The following NELL1 variants were observed in gnomAD, a reference collection of about 807,000 sequenced individuals.
NELL1 encodes protein kinase C-binding protein NELL1.
A neutral mutation model predicts 107.4 loss-of-function variants in NELL1; 76 were observed. That is an observed-to-expected ratio of 0.71 (90% confidence interval 0.59 to 0.86). The LOEUF (loss-of-function observed/expected upper bound fraction) is 0.86, where lower values mean the gene tolerates loss of function less well. Among genes scored for constraint, NELL1 ranks in the 40% least tolerant of loss-of-function variants. The pLI, the probability that NELL1 is intolerant of heterozygous loss-of-function variation, is 0.00. For synonymous variants in NELL1, 353 were observed against 341.2 expected (o/e 1.03, Z -0.38); for missense variants, 1,024 against 1,005.5 (o/e 1.02, Z -0.25).
chr11:21,171,670 T>C (rs1856609804), intron 13 of NELL1, among the ~76,000 whole-genome samples: 1 of 151,834 alleles, frequency 6.6e-6, no homozygotes, highest in South Asian at 2.1e-4. Flanking sequence ...AGGATATAGA[T>C]GCTGTTGTAC....
intron 12 of NELL1, among the ~76,000 whole-genome samples, chr11:20,992,279 A>G (rs987599110): frequency 1.3e-5 from 2 of 152,248 alleles, no homozygotes; most frequent in African/African-American, 2.4e-5. Flanking sequence ...ATTTCTGTGC[A>G]GTCCTTCAAA....
intron 17 of NELL1, among the ~76,000 whole-genome samples, chr11:21,563,391 A>G (rs1338111014): frequency 2.0e-5 from 3 of 152,066 alleles, no homozygotes; most frequent in African/African-American, 7.2e-5. Flanking sequence ...TACACAAACA[A>G]CTAACCACTT....
chr11:21,035,536 A>G (rs1202218014), intron 12 of NELL1, among the ~76,000 whole-genome samples: 2 of 152,074 alleles, frequency 1.3e-5, no homozygotes, highest in South Asian at 2.1e-4. Flanking sequence ...CTTATTCACC[A>G]CGATCAAGTA....
intron 15 of NELL1, among the ~76,000 whole-genome samples, chr11:21,485,564 G>A (rs1055274520): frequency 3.3e-5 from 5 of 151,244 alleles, no homozygotes; most frequent in African/African-American, 4.9e-5. Context: ...AAATACTACC[G>A]CCTCTGCTTG....
intron 5 of NELL1, among the ~76,000 whole-genome samples, chr11:20,902,461 C>A (rs957187858): frequency 6.6e-6 from 1 of 151,986 alleles, no homozygotes; most frequent in Admixed American, 6.6e-5. Context: ...AAGTGAAAAA[C>A]CATCTGACAA....
At chr11:21,276,120 T>A (rs1245161610) in intron 14 of NELL1, among the ~76,000 whole-genome samples, 1 of 152,178 alleles carries the variant, frequency 6.6e-6, no homozygotes, top group African/African-American at 2.4e-5. Flanking sequence ...TGTCCCTGTT[T>A]GCAGATGACA....
intron 2 of NELL1, among the ~76,000 whole-genome samples, chr11:20,760,237 C>T (rs964337146): frequency 6.6e-6 from 1 of 152,180 alleles, no homozygotes; most frequent in African/African-American, 2.4e-5. Flanking sequence ...GGAGAAATGC[C>T]AACATTTTTG....
intron 15 of NELL1, among the ~76,000 whole-genome samples, chr11:21,524,381 A>C (rs900907301): frequency 6.6e-6 from 1 of 152,204 alleles, no homozygotes; most frequent in Non-Finnish European, 1.5e-5. Flanking sequence ...CCTATTTAAT[A>C]GAGAAACTGT....
At chr11:20,896,216 T>C (rs1296874197) in intron 5 of NELL1, among the ~76,000 whole-genome samples, 3 of 152,208 alleles carry the variant, frequency 2.0e-5, no homozygotes, top group South Asian at 2.1e-4. Context: ...CTCCCACTTA[T>C]AAGTGAGAAC....
chr11:21,537,239 T>G (rs1317307647), intron 16 of NELL1, among the ~76,000 whole-genome samples: 1 of 152,110 alleles, frequency 6.6e-6, no homozygotes, highest in African/African-American at 2.4e-5. Context: ...TAATGACACT[T>G]TCTTCTTATG....
intron 15 of NELL1, among the ~76,000 whole-genome samples, chr11:21,372,705 C>T (rs1436545173): frequency 1.3e-5 from 2 of 151,834 alleles, no homozygotes; most frequent in Non-Finnish European, 2.9e-5. Context: ...TTTCACGAAT[C>T]TGCATTTTCA....
At chr11:21,539,280 G>C (rs949634335) in intron 16 of NELL1, among the ~76,000 whole-genome samples, 3 of 152,056 alleles carry the variant, frequency 2.0e-5, no homozygotes, top group African/African-American at 7.2e-5. Context: ...ATGGGTGCCT[G>C]AAACTCCTAA....
At chr11:21,105,774 T>C in intron 12 of NELL1, among the ~76,000 whole-genome samples, 1 of 112,962 alleles carries the variant, frequency 8.9e-6, no homozygotes, top group Non-Finnish European at 1.9e-5. Context: ...TCATTACCTC[T>C]CCCCTCCCCT....
At chr11:21,246,831 C>T (rs909461642) in intron 14 of NELL1, among the ~76,000 whole-genome samples, 8 of 152,108 alleles carry the variant, frequency 5.3e-5, no homozygotes, top group African/African-American at 1.9e-4. Context: ...AAAGGCACAC[C>T]TTACATGGTG....
At chr11:20,732,280 A>G (rs1331894874) in intron 2 of NELL1, among the ~76,000 whole-genome samples, 1 of 151,996 alleles carries the variant, frequency 6.6e-6, no homozygotes, top group Non-Finnish European at 1.5e-5. Flanking sequence ...GAATCTGAAT[A>G]AATGGGAGAG....
chr11:20,949,212 T>A (rs1851025677), intron 11 of NELL1, among the ~76,000 whole-genome samples: 1 of 152,198 alleles, frequency 6.6e-6, no homozygotes, highest in Admixed American at 6.5e-5. Context: ...TGTTGTATGT[T>A]TCACCATTGC....
chr11:20,709,128 C>T (rs575841457), intron 2 of NELL1, among the ~76,000 whole-genome samples: 8 of 151,916 alleles, frequency 5.3e-5, no homozygotes, highest in South Asian at 4.2e-4. Context: ...CCCCTTGTCT[C>T]GAAGAGTTTT....
At chr11:21,161,810 A>G (rs1179254108) in intron 13 of NELL1, among the ~76,000 whole-genome samples, 1 of 152,022 alleles carries the variant, frequency 6.6e-6, no homozygotes, top group Non-Finnish European at 1.5e-5. Flanking sequence ...GCTGGTATGT[A>G]TTTTATACTT....
rs146457822 is a variant in NELL1, at chr11:21,503,101, G to A, written c.1646-31273G>A. On this transcript the variant is annotated intron_variant, in intron 15 of 19. Coordinates refer to ENST00000357134, the MANE Select transcript of NELL1 (RefSeq NM_006157.5). ...TCTCCATGTTGGTCAGGCTGGTCTCGAACTCCTGACCTCAGGTAATCTGCC... is the reference window on the plus strand; with the variant it reads ...TCTCCATGTTGGTCAGGCTGGTCTCAAACTCCTGACCTCAGGTAATCTGCC... 5.1e-3 allele frequency among the ~76,000 whole-genome samples: 777 copies of A among 152,204 alleles called. 5 individuals are homozygous for A. Among genetic ancestry groups the A allele is most frequent in the African/African-American group, 0.018 (742 of 41,534 alleles).
Sources: gnomAD v4.1 joint callset for allele counts (sites outside exome capture counted in the v4.1 genomes callset) on GRCh38, gnomAD v4.1.1 for gene constraint, MANE v1.5 for transcripts, NCBI Gene and HGNC (gene_info 2026-07-23, HGNC 2026-07-21) for gene names.